The following CSTPP1 variants were observed in gnomAD, a reference collection of about 807,000 sequenced individuals.
The protein encoded by CSTPP1 is centriolar satellite-associated tubulin polyglutamylase complex regulator 1, also known as UPF0705 protein C11orf49.
At chr11:47,013,103 TTA>T in the CSTPP1 span, among the ~76,000 whole-genome samples, 1 of 145,686 alleles carries the variant, frequency 6.9e-6, no homozygotes, top group Non-Finnish European at 1.5e-5. Context: ...TCATATATTA[TTA>T]TATAAATAAC....
chr11:47,155,103 CCTCTCCCT>C, the CSTPP1 span: 5 of 1,139,298 alleles, frequency 4.4e-6, no homozygotes, highest in Non-Finnish European at 6.6e-6. Context: ...TCCCTTCCTC[CCTCTCCCT>C]CTCTCCCTCC....
the CSTPP1 span, among the ~76,000 whole-genome samples, chr11:47,075,169 C>T: frequency 1.3e-5 from 2 of 151,990 alleles, no homozygotes; most frequent in South Asian, 2.1e-4. Flanking sequence ...GTCAGGAGTT[C>T]GAGACCAGCT....
At chr11:46,988,661 C>T in the CSTPP1 span, among the ~76,000 whole-genome samples, 1 of 152,036 alleles carries the variant, frequency 6.6e-6, no homozygotes, top group Non-Finnish European at 1.5e-5. Context: ...GATAGCACAA[C>T]AGGGTGACTC....
chr11:47,101,331 A>C, the CSTPP1 span, among the ~76,000 whole-genome samples: 5 of 151,598 alleles, frequency 3.3e-5, no homozygotes, highest in South Asian at 1.0e-3. Context: ...AAAGAGCCTG[A>C]GGGTAGTTTA....
chr11:47,059,335 G>A, the CSTPP1 span, among the ~76,000 whole-genome samples: 1 of 152,084 alleles, frequency 6.6e-6, no homozygotes, highest in African/African-American at 2.4e-5. Context: ...AAATAAACTA[G>A]ATTCTTAATT....
At chr11:47,141,467 C>T in the CSTPP1 span, among the ~76,000 whole-genome samples, 5 of 151,790 alleles carry the variant, frequency 3.3e-5, no homozygotes, top group African/African-American at 4.8e-5. Flanking sequence ...CTTAGCCAGG[C>T]GTGGTGGTGT....
At chr11:46,960,587 G>A in the CSTPP1 span, among the ~76,000 whole-genome samples, 107 of 152,198 alleles carry the variant, frequency 7.0e-4, no homozygotes, top group South Asian at 0.01. Context: ...TTTGCTGGGC[G>A]CGGTGGCTAA....
the CSTPP1 span, chr11:47,041,219 G>T: frequency 4.5e-6 from 1 of 223,952 alleles, no homozygotes. Context: ...TTTCAGGGTT[G>T]GGGAAGAGAA....
At chr11:47,126,918 G>A in the CSTPP1 span, among the ~76,000 whole-genome samples, 1 of 150,802 alleles carries the variant, frequency 6.6e-6, no homozygotes, top group South Asian at 2.1e-4. Flanking sequence ...GGGCAACAGA[G>A]CAAGATCCTA....
chr11:47,028,158 T>C, the CSTPP1 span, among the ~76,000 whole-genome samples: 2 of 152,032 alleles, frequency 1.3e-5, no homozygotes, highest in African/African-American at 2.4e-5. Flanking sequence ...CTCCCGACCT[T>C]GTGATCCGCC....
At chr11:46,993,860 C>T in the CSTPP1 span, among the ~76,000 whole-genome samples, 1 of 152,122 alleles carries the variant, frequency 6.6e-6, no homozygotes, top group African/African-American at 2.4e-5. Flanking sequence ...CTATAAATTA[C>T]CTTGGGCAGT....
the CSTPP1 span, chr11:47,162,014 G>C: frequency 9.9e-7 from 1 of 1,013,030 alleles, no homozygotes; most frequent in African/African-American, 1.7e-5. Flanking sequence ...CATTAAGGGG[G>C]AGAACCCGAA....
chr11:47,106,249 A>C, the CSTPP1 span, among the ~76,000 whole-genome samples: 1 of 152,182 alleles, frequency 6.6e-6, no homozygotes, highest in African/African-American at 2.4e-5. Flanking sequence ...CTATCATTGT[A>C]CTTTGTCTTA....
chr11:46,974,984 A>G, the CSTPP1 span, among the ~76,000 whole-genome samples: 6 of 152,010 alleles, frequency 3.9e-5, no homozygotes, highest in Middle Eastern at 6.8e-3. Flanking sequence ...AATAAATATT[A>G]AAATAAAGAA....
chr11:47,152,106 C>G, the CSTPP1 span, among the ~76,000 whole-genome samples: 1 of 151,920 alleles, frequency 6.6e-6, no homozygotes, highest in East Asian at 1.9e-4. Flanking sequence ...AAAAATTAGC[C>G]GGGCATGGTG....
At chr11:47,015,399 G>A in the CSTPP1 span, among the ~76,000 whole-genome samples, 9,213 of 152,036 alleles carry the variant, frequency 0.061, 367 homozygotes, top group Middle Eastern at 0.095. Context: ...ACTTGAACTC[G>A]GGAGGAGGAG....
chr11:46,980,496 A>G, the CSTPP1 span, among the ~76,000 whole-genome samples: 1 of 152,212 alleles, frequency 6.6e-6, no homozygotes, highest in Non-Finnish European at 1.5e-5. Flanking sequence ...TGTTTGATAC[A>G]TGTCATACTG....
chr11:47,049,644 A>G, the CSTPP1 span, among the ~76,000 whole-genome samples: 2 of 151,824 alleles, frequency 1.3e-5, no homozygotes, highest in African/African-American at 4.8e-5. Context: ...ATGTCTGGGG[A>G]AAAACAATGT....
chr11:46,992,459 A>G, the CSTPP1 span, among the ~76,000 whole-genome samples: 13 of 137,024 alleles, frequency 9.5e-5, no homozygotes, highest in Admixed American at 2.6e-4. Flanking sequence ...TCATTGTTCA[A>G]TGCCCACCTA....
Sources: allele counts gnomAD v4.1 joint callset (sites outside exome capture counted in the v4.1 genomes callset), GRCh38; gene constraint gnomAD v4.1.1; transcripts MANE v1.5; gene names NCBI Gene and HGNC (gene_info 2026-07-23, HGNC 2026-07-21).